Variants in AGAP1 observed in about 807,000 individuals in gnomAD.
The protein encoded by AGAP1 is ArfGAP with GTPase domain, ankyrin repeat and PH domain 1.
AGAP1 carries 29 observed loss-of-function variants against 105.3 expected under a neutral mutation model. That is an observed-to-expected ratio of 0.28 (90% confidence interval 0.21 to 0.38). The LOEUF is 0.38. AGAP1 is among the 10% of genes least tolerant of loss of function. The pLI is 1.00. For missense variants in AGAP1, 998 were observed against 1,165.1 expected, an observed-to-expected ratio of 0.86 and a Z score of 2.09; for synonymous variants, 509 against 485.9, an observed-to-expected ratio of 1.05 and a Z score of -0.63.
In AGAP1 at chr2:235,689,425, C is replaced by G. The variant is rs1436225731; in HGVS notation, c.164-19754C>G. Among the ~76,000 whole-genome samples the G allele has an allele frequency of 6.6e-6, 1 of 152,246 alleles. No homozygotes were observed. ...AGAAAGTAGTGCACTGATTATGTTT[C>G]CATTACACCATAGAACATAACAATT... On this transcript the variant is annotated intron_variant, in intron 1 of 17. Coordinates refer to ENST00000304032, the MANE Select transcript of AGAP1 (RefSeq NM_001037131.3). This position sits in a 1 kb window ranked among gnomAD's most constrained non-coding sequence, Gnocchi z 4.2.
intron 16 of AGAP1, among the ~76,000 whole-genome samples, chr2:236,059,729 A>G (rs529474387): frequency 3.9e-5 from 6 of 152,298 alleles, no homozygotes; most frequent in African/African-American, 1.4e-4. Flanking sequence ...TGGGGAAGGA[A>G]TAGTCTTTTT....
At chr2:235,670,501 C>G (rs1948336962) in intron 1 of AGAP1, 1 of 504,480 alleles carries the variant, frequency 2.0e-6, no homozygotes, top group Non-Finnish European at 3.5e-6. Flanking sequence ...GCGGCTCGCC[C>G]GCGTCCGGCA....
chr2:235,730,505 A>G (rs1035150367), intron 3 of AGAP1, among the ~76,000 whole-genome samples: 2 of 149,210 alleles, frequency 1.3e-5, no homozygotes, highest in Admixed American at 6.7e-5. Flanking sequence ...AAAACGAGAC[A>G]AGGTCTCACT....
rs1286966901 is a variant in AGAP1, at chr2:235,600,063, C to T, written c.163+105214C>T. On this transcript the variant is annotated intron_variant, in intron 1 of 17. Coordinates refer to ENST00000304032, the MANE Select transcript of AGAP1 (RefSeq NM_001037131.3). This position sits in a 1 kb window ranked among gnomAD's most constrained non-coding sequence, Gnocchi z 4.8. ...GTCAACTTCAGGGGAATATAAACAGCCTCCAGGGAGCCCCTCTCTCCATCC... is the reference window on the plus strand; with the variant it reads ...GTCAACTTCAGGGGAATATAAACAGTCTCCAGGGAGCCCCTCTCTCCATCC... Among the ~76,000 whole-genome samples the T allele has an allele frequency of 6.6e-6, 1 of 152,204 alleles. No homozygotes were observed. The highest frequency in any genetic ancestry group is 2.4e-5 in the African/African-American group (1 of 41,444).
At chr2:235,661,768 T>C (rs1947964279) in intron 1 of AGAP1, among the ~76,000 whole-genome samples, 1 of 152,176 alleles carries the variant, frequency 6.6e-6, no homozygotes, top group African/African-American at 2.4e-5. Context: ...CTTTGGGGCA[T>C]GCCCAGGGGG....
At chr2:235,672,586 A>G (rs948455575) in intron 1 of AGAP1, among the ~76,000 whole-genome samples, 6 of 152,260 alleles carry the variant, frequency 3.9e-5, no homozygotes, top group Non-Finnish European at 8.8e-5. Flanking sequence ...ATTGGTTTGC[A>G]CGAAGTTGCT....
At position 235,845,447 on chromosome 2, in the gene AGAP1, G is replaced by T. The variant is rs564408092; in HGVS notation, c.1051-37898G>T. Among the ~76,000 whole-genome samples, 1 of 145,486 alleles carries T rather than the reference G, an allele frequency of 6.9e-6. No homozygotes were observed. The highest frequency in any genetic ancestry group is 2.3e-4 in the East Asian group (1 of 4,396). On this transcript the variant is annotated intron_variant, in intron 9 of 17. Coordinates refer to ENST00000304032, the MANE Select transcript of AGAP1 (RefSeq NM_001037131.3). This position sits in a 1 kb window ranked among gnomAD's most constrained non-coding sequence, Gnocchi z 4.8. Reference sequence around the variant, plus strand: ...TCCTGAGTCAGCAAACGGAATGGGGGAATGAGCATTGTTCAGCCAGCTGGG... The same window carrying T: ...TCCTGAGTCAGCAAACGGAATGGGGTAATGAGCATTGTTCAGCCAGCTGGG...
chr2:236,045,151 G>A lies in AGAP1; in HGVS notation c.1892-3908G>A, dbSNP rs1265259656. 1.3e-5 allele frequency among the ~76,000 whole-genome samples: 2 copies of A among 152,246 alleles called. No individual in the cohort carries two copies. The highest frequency in any genetic ancestry group is 4.8e-5 in the African/African-American group (2 of 41,534). ...GGCTGGTCTTAAACTCCTGGCCTTC[G>A]GCGATCCTCCCCCATTGACCTCCCA... On this transcript the variant is annotated intron_variant, in intron 15 of 17. Transcript: ENST00000304032. The surrounding 1 kb of genome is among the most constrained non-coding windows in gnomAD (Gnocchi z 6.9).
rs1182069071 is a variant in AGAP1, at chr2:236,062,237, C to T, written c.2114+12956C>T. On this transcript the variant is annotated intron_variant, in intron 16 of 17. Transcript: ENST00000304032. This position sits in a 1 kb window ranked among gnomAD's most constrained non-coding sequence, Gnocchi z 4.2. ...TTGACAAGCCCTGCCTCTTGGAATC[C>T]GCACAGCAAACCAATGCCATTCTTT... 5.9e-5 allele frequency among the ~76,000 whole-genome samples: 9 copies of T among 152,132 alleles called. No homozygotes were observed. Among genetic ancestry groups the T allele is most frequent in the East Asian group, 1.9e-4 (1 of 5,170 alleles).
chr2:235,590,751 T>C (rs11900603), intron 1 of AGAP1, among the ~76,000 whole-genome samples: 67,566 of 114,554 alleles, frequency 0.59, 22,400 homozygotes, highest in African/African-American at 0.9. Context: ...GGCGGAGTCT[T>C]GCTCTGTCGC....
chr2:235,845,294 C>T lies in AGAP1; in HGVS notation c.1050+37963C>T, dbSNP rs1961340213. ...AGGAGTCTAGAGGCTGAGTCTGTAA[C>T]TAATCCAGCTCAGACCACATGTATG... On this transcript the variant is annotated intron_variant, in intron 9 of 17. Coordinates refer to ENST00000304032, the MANE Select transcript of AGAP1 (RefSeq NM_001037131.3). The surrounding 1 kb of genome is among the most constrained non-coding windows in gnomAD (Gnocchi z 4.8). Among the ~76,000 whole-genome samples, 1 of 152,178 alleles carries T rather than the reference C, an allele frequency of 6.6e-6. No individual in the cohort carries two copies. The highest frequency in any genetic ancestry group is 1.9e-4 in the East Asian group (1 of 5,196).
intron 15 of AGAP1, among the ~76,000 whole-genome samples, chr2:236,041,722 C>T (rs1447148556): frequency 2.0e-5 from 3 of 152,184 alleles, no homozygotes; most frequent in African/African-American, 7.2e-5. Flanking sequence ...CTGGGTGCTG[C>T]CCAGGAGTCA....
At chr2:235,516,059 C>CTGCTGCTGA (rs1376442186) in intron 1 of AGAP1, among the ~76,000 whole-genome samples, 2 of 93,698 alleles carry the variant, frequency 2.1e-5, no homozygotes, top group East Asian at 7.6e-4. Flanking sequence ...GGCTCCTCTG[C>CTGCTGCTGA]TGCTGCTGCT....
intron 1 of AGAP1, among the ~76,000 whole-genome samples, chr2:235,580,172 T>C (rs1269494056): frequency 6.6e-6 from 1 of 152,194 alleles, no homozygotes; most frequent in African/African-American, 2.4e-5. Flanking sequence ...TTTGTGTCCA[T>C]CTTTTGGCTA....
In AGAP1 at chr2:236,090,414, C is replaced by T. The variant is rs923294546; in HGVS notation, c.2115-29778C>T. On this transcript the variant is annotated intron_variant, in intron 16 of 17. Transcript: ENST00000304032. The surrounding 1 kb of genome is among the most constrained non-coding windows in gnomAD (Gnocchi z 4.3). ...GTCACAAATTAGAAAATAATATTCACATGTTTCTTCTAATTGGTAACAGAT... is the reference window on the plus strand; with the variant it reads ...GTCACAAATTAGAAAATAATATTCATATGTTTCTTCTAATTGGTAACAGAT... Among the ~76,000 whole-genome samples the T allele has an allele frequency of 1.3e-5, 2 of 152,180 alleles. No homozygotes were observed. The highest frequency in any genetic ancestry group is 1.3e-4 in the Admixed American group (2 of 15,274).
intron 1 of AGAP1, among the ~76,000 whole-genome samples, chr2:235,545,850 C>T (rs1226413113): frequency 6.6e-6 from 1 of 152,202 alleles, no homozygotes; most frequent in Non-Finnish European, 1.5e-5. Flanking sequence ...CACACACCTC[C>T]GATATCTGGT....
chr2:236,088,759 G>A (rs1434971414), intron 16 of AGAP1, among the ~76,000 whole-genome samples: 1 of 152,152 alleles, frequency 6.6e-6, no homozygotes, highest in Non-Finnish European at 1.5e-5. Flanking sequence ...AGCAGTTTAT[G>A]CCACAATTGT....
At chr2:235,820,561 A>C (rs1958733796) in intron 9 of AGAP1, among the ~76,000 whole-genome samples, 1 of 152,198 alleles carries the variant, frequency 6.6e-6, no homozygotes, top group African/African-American at 2.4e-5. Context: ...GTAACACCGG[A>C]CTGTTTTTGT....
rs912289556 is a variant in AGAP1, at chr2:236,105,305, G to A, written c.2115-14887G>A. Among the ~76,000 whole-genome samples, 1 of 152,152 alleles carries A rather than the reference G, an allele frequency of 6.6e-6. No individual in the cohort carries two copies. Among genetic ancestry groups the A allele is most frequent in the Non-Finnish European group, 1.5e-5 (1 of 68,040 alleles). On this transcript the variant is annotated intron_variant, in intron 16 of 17. Transcript: ENST00000304032. The surrounding 1 kb of genome is among the most constrained non-coding windows in gnomAD (Gnocchi z 4.2). ...ACTTCAGTTTTAACACGATAGCCAG[G>A]TAAGGGGGAAAGATGGGCGGAGCGG...
Sources: allele counts gnomAD v4.1 joint callset (sites outside exome capture counted in the v4.1 genomes callset), GRCh38; gene constraint gnomAD v4.1.1; non-coding constraint Gnocchi (gnomAD v3.1); transcripts MANE v1.5; gene names NCBI Gene and HGNC (gene_info 2026-07-23, HGNC 2026-07-21).